NT5DC3: variants seen among roughly 807,000 people sequenced by gnomAD.
NT5DC3 encodes the protein 5'-nucleotidase domain containing 3, also known as 5'-nucleotidase domain-containing protein 3.
NT5DC3 carries 42 observed loss-of-function variants against 67.8 expected under a neutral mutation model. The observed-to-expected ratio is 0.62, with a 90% CI of 0.48 to 0.80. NT5DC3 has a LOEUF of 0.80. Among genes scored for constraint, NT5DC3 ranks in the 30% least tolerant of loss-of-function variants. The pLI, the probability that NT5DC3 is intolerant of heterozygous loss-of-function variation, is 0.00. For missense variants in NT5DC3, 570 were observed against 696.4 expected, an observed-to-expected ratio of 0.82 and a Z score of 2.04; for synonymous variants, 237 against 255.6, an observed-to-expected ratio of 0.93 and a Z score of 0.69.
intron 1 of NT5DC3, among the ~76,000 whole-genome samples, chr12:103,820,217 A>G (rs1238524462): frequency 1.3e-5 from 2 of 152,202 alleles, no homozygotes; most frequent in African/African-American, 2.4e-5. Context: ...ACATACAAGT[A>G]TCTGTTCAAA....
chr12:103,831,421 G>C (rs937103587), intron 1 of NT5DC3, among the ~76,000 whole-genome samples: 3 of 152,108 alleles, frequency 2.0e-5, no homozygotes, highest in Non-Finnish European at 4.4e-5. Context: ...GTAAAAGAAT[G>C]GACTCATACA....
chr12:103,754,735 A>AG, the NT5DC3 span, among the ~76,000 whole-genome samples: 4 of 152,104 alleles, frequency 2.6e-5, no homozygotes, highest in Admixed American at 6.6e-5. Flanking sequence ...GGATCACTTG[A>AG]GGTCAGGAGT....
At chr12:103,806,300 A>G (rs777660149) in intron 4 of NT5DC3, 22 bp downstream of exon 4, 5 of 1,534,582 alleles carry the variant, frequency 3.3e-6, no homozygotes, top group Non-Finnish European at 4.5e-6. Context: ...CGTAAATTAA[A>G]TGTATCTCCT....
the NT5DC3 span, among the ~76,000 whole-genome samples, chr12:103,762,005 G>T: frequency 6.6e-6 from 1 of 152,130 alleles, no homozygotes; most frequent in Non-Finnish European, 1.5e-5. Flanking sequence ...CCACTGACTG[G>T]CTGTGTGATA....
At chr12:103,771,315 C>T (rs1188647185), downstream of NT5DC3, 1 of 152,224 alleles carries the variant, frequency 6.6e-6, no homozygotes, top group Non-Finnish European at 1.5e-5. Context: ...CTTTGGTTTA[C>T]ATATAGCTGC....
At chr12:103,837,103 C>T (rs923366111) in intron 1 of NT5DC3, among the ~76,000 whole-genome samples, 10 of 152,206 alleles carry the variant, frequency 6.6e-5, no homozygotes, top group Admixed American at 2.0e-4. Context: ...TTCCCAAACT[C>T]GATTCTTGAC....
the NT5DC3 span, among the ~76,000 whole-genome samples, chr12:103,752,757 T>C: frequency 2.6e-5 from 4 of 152,194 alleles, no homozygotes; most frequent in Non-Finnish European, 4.4e-5. Context: ...ATAATTATGA[T>C]TTAATGTTGT....
chr12:103,782,267 G>A (rs540034459), intron 12 of NT5DC3, among the ~76,000 whole-genome samples: 3 of 152,202 alleles, frequency 2.0e-5, no homozygotes, highest in Non-Finnish European at 2.9e-5. Context: ...TACTCAGGAG[G>A]GTAGGCATGA....
intron 10 of NT5DC3, 73 bp downstream of exon 10, chr12:103,788,765 T>C (rs577216389): frequency 2.7e-5 from 26 of 956,374 alleles, no homozygotes; most frequent in South Asian, 2.6e-4. Flanking sequence ...TAAGCCACAA[T>C]GAACATCAGC....
At position 103,776,974 on chromosome 12, in the gene NT5DC3, T is replaced by C. The variant is rs1885362279; in HGVS notation, c.*855A>G. The C allele has an allele frequency of 6.6e-6, 1 of 152,244 alleles. No homozygotes were observed. Among genetic ancestry groups the C allele is most frequent in the South Asian group, 2.1e-4 (1 of 4,834 alleles). 9.4% of individuals were successfully genotyped at this position (152,244 alleles called of 1,614,324 possible). A position where few individuals can be genotyped will look rare whatever the true frequency, so the allele number is the denominator to read the frequency against. ...GATGCTTTTTCCTGGTTCATTTTCT[T>C]TCTTCCAATGAGCAGATGAAACCAA... On this transcript the variant is annotated 3_prime_UTR_variant, in exon 14 of 14. Coordinates refer to ENST00000392876, the MANE Select transcript of NT5DC3 (RefSeq NM_001031701.3).
At chr12:103,761,453 G>C in the NT5DC3 span, 1 of 1,557,024 alleles carries the variant, frequency 6.4e-7, no homozygotes, top group Non-Finnish European at 8.8e-7. Flanking sequence ...GAGGAGCCCC[G>C]GTGCCCACTC....
chr12:103,819,392 T>C (rs922941321), intron 1 of NT5DC3, among the ~76,000 whole-genome samples: 1 of 152,240 alleles, frequency 6.6e-6, no homozygotes, highest in Non-Finnish European at 1.5e-5. Context: ...ATAAACTGAA[T>C]GCCTCTTGAC....
At chr12:103,747,658 A>T in the NT5DC3 span, among the ~76,000 whole-genome samples, 1 of 152,174 alleles carries the variant, frequency 6.6e-6, no homozygotes, top group Non-Finnish European at 1.5e-5. Flanking sequence ...GTCGTCTTTT[A>T]TTGGGCAACC....
At position 103,841,029 on chromosome 12, in the gene NT5DC3, A is replaced by G; in HGVS notation, c.128T>C (p.Leu43Ser). ...GRPCAGPARP[L>S]CTAPGTAPDM... ...CGGGGCGGTCCCGGGTGCAGTGCAC[A>G]AGGGCCGGGCGGGGCCCGCACACGG... The change falls in exon 1 of 14, where the codon TTG becomes TCG. Residue 43 changes from leucine to serine, a missense_variant. Coordinates refer to ENST00000392876, the MANE Select transcript of NT5DC3 (RefSeq NM_001031701.3). 1.6e-6 allele frequency: 2 copies of G among 1,277,314 alleles called. No homozygotes were observed. Among genetic ancestry groups the G allele is most frequent in the East Asian group, 3.1e-5 (1 of 32,104 alleles). The allele number at this position is 1,277,314 out of a possible 1,614,324, so 79.1% of individuals were successfully genotyped here.
intron 9 of NT5DC3, among the ~76,000 whole-genome samples, chr12:103,790,513 A>G (rs1051723547): frequency 3.9e-5 from 6 of 151,904 alleles, no homozygotes; most frequent in Non-Finnish European, 7.4e-5. Context: ...TGCCCACCTC[A>G]GTCTCCCAAA....
the NT5DC3 span, among the ~76,000 whole-genome samples, chr12:103,751,207 T>C: frequency 6.6e-6 from 1 of 152,196 alleles, no homozygotes; most frequent in Non-Finnish European, 1.5e-5. Context: ...AGATGTGGTC[T>C]CTGGTGGAGA....
At chr12:103,769,006 G>A (rs994828716), downstream of NT5DC3, 1 of 152,138 alleles carries the variant, frequency 6.6e-6, no homozygotes, top group South Asian at 2.1e-4. Context: ...TCCTCGAGGG[G>A]ATAAAGTGGC....
rs1489512510 is a variant in NT5DC3 at position 103,774,228 on chromosome 12, T to C, written c.*3601A>G. On this transcript the variant is annotated 3_prime_UTR_variant, in exon 14 of 14. Coordinates refer to ENST00000392876, the MANE Select transcript of NT5DC3 (RefSeq NM_001031701.3). ...AATTCTTAGAAAATCAGTCAAACAA[T>C]ATTAAACAGTAATTTTTAAATGTTC... 5 of 152,218 alleles carry C rather than the reference T, an allele frequency of 3.3e-5. No individual in the cohort carries two copies. The highest frequency in any genetic ancestry group is 9.6e-5 in the African/African-American group (4 of 41,454). The allele number at this position is 152,218 out of a possible 1,614,324, so 9.4% of individuals were successfully genotyped here. A position where few individuals can be genotyped will look rare whatever the true frequency, so the allele number is the denominator to read the frequency against.
At chr12:103,762,037 C>G in the NT5DC3 span, among the ~76,000 whole-genome samples, 5 of 152,316 alleles carry the variant, frequency 3.3e-5, no homozygotes, top group East Asian at 9.7e-4. Flanking sequence ...CTTCACCTCT[C>G]TGTGCCCCAG....
Sources: gnomAD v4.1 joint callset for allele counts (sites outside exome capture counted in the v4.1 genomes callset) on GRCh38, gnomAD v4.1.1 for gene constraint, MANE v1.5 for transcripts, NCBI Gene and HGNC (gene_info 2026-07-23, HGNC 2026-07-21) for gene names.